CADPS2: variants seen among roughly 807,000 people sequenced by gnomAD.
CADPS2 encodes the protein calcium dependent secretion activator 2.
CADPS2 carries 93 observed loss-of-function variants against 172.5 expected under a neutral mutation model. The observed-to-expected ratio is 0.54, with a 90% CI of 0.46 to 0.64. The LOEUF (loss-of-function observed/expected upper bound fraction) is 0.64, where lower values mean the gene tolerates loss of function less well. CADPS2 is among the 30% of genes least tolerant of loss of function. CADPS2 has a pLI of 0.00. For missense variants in CADPS2, 1,420 were observed against 1,565.9 expected, an observed-to-expected ratio of 0.91 and a Z score of 1.57; for synonymous variants, 546 against 555.2, an observed-to-expected ratio of 0.98 and a Z score of 0.23.
At chr7:122,448,644 G>A (rs1002444711) in intron 15 of CADPS2, among the ~76,000 whole-genome samples, 9 of 152,126 alleles carry the variant, frequency 5.9e-5, no homozygotes, top group Non-Finnish European at 2.9e-5. Flanking sequence ...AAGTCCCTTG[G>A]TGAGTGGCTC....
intron 20 of CADPS2, among the ~76,000 whole-genome samples, chr7:122,396,854 C>A (rs1400782959): frequency 6.6e-6 from 1 of 152,180 alleles, no homozygotes. Flanking sequence ...GTTCTCAAGG[C>A]AGGAACTATG....
intron 1 of CADPS2, among the ~76,000 whole-genome samples, chr7:122,753,459 G>A (rs1255016303): frequency 6.6e-6 from 1 of 152,126 alleles, no homozygotes; most frequent in African/African-American, 2.4e-5. Context: ...CAATAACTCA[G>A]CAAATATTTA....
rs71159802 is a variant in CADPS2, at chr7:122,528,110, AGTGGTGGTGGTGGTGGTGGTGGTGGTG to A, written c.1476-14822_1476-14796del. ...AAAACACAATGTAGATGAAGGCATT[AGTGGTGGTGGTGGTGGTGGTGGTGGTG>A]GTGGTGGTGGTGGTGGTGGTGGTAA... On this transcript the variant is annotated intron_variant, in intron 8 of 29. Transcript: ENST00000449022. 1.5e-4 allele frequency among the ~76,000 whole-genome samples: 19 copies of A among 130,126 alleles called. 1 individual carries two copies. The East Asian group carries it at 3.6e-3, about 25-fold the overall frequency. 85.4% of individuals were successfully genotyped at this position (130,126 alleles called of 152,430 possible). A position where few individuals can be genotyped will look rare whatever the true frequency, so the allele number is the denominator to read the frequency against.
chr7:122,871,182 G>GA (rs1253003887), intron 1 of CADPS2, among the ~76,000 whole-genome samples: 2 of 149,786 alleles, frequency 1.3e-5, no homozygotes, highest in African/African-American at 4.9e-5. Flanking sequence ...CCACAGTGCT[G>GA]GGAAAAAAAA....
intron 15 of CADPS2, among the ~76,000 whole-genome samples, chr7:122,447,503 A>T (rs2052412919): frequency 7.0e-6 from 1 of 143,310 alleles, no homozygotes; most frequent in South Asian, 2.2e-4. Flanking sequence ...CACTCTAGGG[A>T]CACCTTTCTC....
chr7:122,409,554 A>G (rs1300015248), intron 19 of CADPS2: 2 of 421,432 alleles, frequency 4.7e-6, no homozygotes, highest in Admixed American at 2.5e-5. Context: ...ATATATTTAT[A>G]TCTCAAGTTG....
At chr7:122,500,687 A>T (rs755778456) in intron 9 of CADPS2, among the ~76,000 whole-genome samples, 1 of 152,200 alleles carries the variant, frequency 6.6e-6, no homozygotes, top group Non-Finnish European at 1.5e-5. Flanking sequence ...CAAAATACCA[A>T]GGAAATTTGG....
chr7:122,643,927 T>C lies in CADPS2; in HGVS notation c.787-14599A>G, dbSNP rs144598894. ...GCAACATGGCAAAACCCCTCTCTAC[T>C]AAAAATGAAAAATTAACCAGGTGTG... On this transcript the variant is annotated intron_variant, in intron 3 of 29. Coordinates refer to ENST00000449022, the MANE Select transcript of CADPS2 (RefSeq NM_017954.11). Among the ~76,000 whole-genome samples the C allele has an allele frequency of 3.1e-3, 476 of 152,106 alleles. 2 individuals carry two copies. The highest frequency in any genetic ancestry group is 0.011 in the African/African-American group (456 of 41,518).
chr7:122,747,243 CAGG>C (rs1342381711), intron 1 of CADPS2, among the ~76,000 whole-genome samples: 3 of 151,934 alleles, frequency 2.0e-5, no homozygotes, highest in Admixed American at 6.6e-5. Context: ...TGACAAAATC[CAGG>C]AGGTTTTGCA....
rs1300804842 is a variant in CADPS2, at chr7:122,471,447, T to C, written c.2114A>G (p.Asn705Ser). The C allele has an allele frequency of 1.9e-6, 3 of 1,613,444 alleles. No individual in the cohort carries two copies. In the East Asian group the frequency reaches 6.7e-5, roughly 36 times the overall value. ...CAGGGTAGGGTCAATGACAGCACCATTTTCTGAATGTTCCATCAGTTCTGC... is the reference window on the plus strand; with the variant it reads ...CAGGGTAGGGTCAATGACAGCACCACTTTCTGAATGTTCCATCAGTTCTGC... ...YLAELMEHSE[N>S]GAVIDPTLLH... Residue 705 changes from asparagine to serine, a missense_variant, in exon 14 of 30, where the codon AAT becomes AGT. Asn to Ser is a conservative substitution (Grantham distance 46). Transcript: ENST00000449022.
intron 1 of CADPS2, among the ~76,000 whole-genome samples, chr7:122,793,744 G>A (rs1457138562): frequency 6.6e-6 from 1 of 152,106 alleles, no homozygotes; most frequent in Non-Finnish European, 1.5e-5. Flanking sequence ...GTACTTCAGT[G>A]TGTTTTTGTA....
At chr7:122,805,510 G>T (rs1238635863) in intron 1 of CADPS2, among the ~76,000 whole-genome samples, 1 of 152,266 alleles carries the variant, frequency 6.6e-6, no homozygotes, top group Non-Finnish European at 1.5e-5. Context: ...TTTAGGTCCA[G>T]ATGAGTAAGG....
Position 122,491,376 on chromosome 7 carries a change from C to T in CADPS2, c.1587G>A (p.Lys529=), listed in dbSNP as rs1287990627. The T allele has an allele frequency of 6.2e-7, 1 of 1,611,572 alleles. No individual in the cohort carries two copies. The highest frequency in any genetic ancestry group is 1.7e-5 in the Admixed American group (1 of 59,812). Residue 529 remains lysine (K), a synonymous_variant, in exon 10 of 30, where the codon AAG becomes AAA. Transcript: ENST00000449022. ...TFAMCSYREK[K]SEPQELMQLE... is the part of the protein sequence containing the mutation. ...GCTGCATTAATTCTTGTGGTTCAGA[C>T]TTCTTTTCTCTATAACTGCACATAG... is the stretch of plus-strand genomic sequence containing the variant.
At position 122,554,565 on chromosome 7, in the gene CADPS2, T is replaced by TTC; in HGVS notation, c.1459_1460insGA (p.His487ArgfsTer3). ...TTATACTCACCCACTATGCTTCATA[T>TTC]GTGCTGGTTTATCCATTCGCACTGC... On this transcript the variant is annotated frameshift_variant, in exon 8 of 30. Transcript: ENST00000449022. LOFTEE classifies it high-confidence loss of function. 6.2e-7 allele frequency: 1 copy of TTC among 1,600,372 alleles called. No individual in the cohort carries two copies. The highest frequency in any genetic ancestry group is 8.5e-7 in the Non-Finnish European group (1 of 1,175,332).
chr7:122,656,356 A>C (rs1349036415), intron 3 of CADPS2, among the ~76,000 whole-genome samples: 1 of 152,142 alleles, frequency 6.6e-6, no homozygotes, highest in Non-Finnish European at 1.5e-5. Context: ...GGAAACACTG[A>C]AAACTTATCC....
intron 9 of CADPS2, 87 bp from the exon 10 acceptor site, chr7:122,491,507 C>A (rs1389559873): frequency 9.7e-6 from 6 of 616,176 alleles, no homozygotes; most frequent in Non-Finnish European, 1.6e-5. Flanking sequence ...ACTCTTTTCC[C>A]AATTAAAAAT....
At chr7:122,340,187 T>A (rs2036553960) in intron 28 of CADPS2, among the ~76,000 whole-genome samples, 1 of 152,172 alleles carries the variant, frequency 6.6e-6, no homozygotes, top group South Asian at 2.1e-4. Context: ...ACTGATTAAC[T>A]ATCATTTAAA....
chr7:122,860,172 TA>T (rs1816553190), intron 1 of CADPS2, among the ~76,000 whole-genome samples: 1 of 152,172 alleles, frequency 6.6e-6, no homozygotes, highest in Admixed American at 6.5e-5. Flanking sequence ...AATAAGAGAC[TA>T]GCCAAAGGTT....
chr7:122,768,827 T>G (rs994922481), intron 1 of CADPS2, among the ~76,000 whole-genome samples: 1 of 151,860 alleles, frequency 6.6e-6, no homozygotes, highest in Non-Finnish European at 1.5e-5. Flanking sequence ...CAAGAGAGCA[T>G]GGAAGATATA....
Sources: allele counts gnomAD v4.1 joint callset (sites outside exome capture counted in the v4.1 genomes callset), GRCh38; gene constraint gnomAD v4.1.1; transcripts MANE v1.5; gene names NCBI Gene and HGNC (gene_info 2026-07-23, HGNC 2026-07-21).